The following ACVR1C variants were observed in gnomAD, a reference collection of about 807,000 sequenced individuals.
ACVR1C encodes activin A receptor type 1C.
Under a neutral mutation model 57.9 loss-of-function variants are expected in ACVR1C, and 23 were observed. That is an observed-to-expected ratio of 0.40 (90% CI 0.29 to 0.56). The LOEUF (loss-of-function observed/expected upper bound fraction) is 0.56, where lower values mean the gene tolerates loss of function less well. Among genes scored for constraint, ACVR1C ranks in the 20% least tolerant of loss-of-function variants. The probability of loss-of-function intolerance (pLI) is 0.50; values close to 1 mark genes in which losing one functional copy is unlikely to be tolerated. For synonymous variants in ACVR1C, 214 were observed against 215.3 expected (o/e 0.99, Z 0.05); for missense variants, 480 against 607.9 (o/e 0.79, Z 2.21).
chr2:157,542,852 A>C lies in ACVR1C; in HGVS notation c.954T>G (p.Ala318=). 6.2e-7 allele frequency: 1 copy of C among 1,613,998 alleles called. No homozygotes were observed. The highest frequency in any genetic ancestry group is 8.5e-7 in the Non-Finnish European group (1 of 1,179,936). ...TTGATTTTATGTCTCGATGAGCAAT[A>C]GCAGGTTTACCTATGAAGCAAAGAA... is the stretch of plus-strand genomic sequence containing the variant. ...MEIVGTQGKP[A]IAHRDIKSKN... The change falls in exon 6 of 9, where the codon GCT becomes GCG. Residue 318 remains alanine (A), a synonymous_variant. Transcript: ENST00000243349.
chr2:157,624,764 C>G (rs982351034), intron 1 of ACVR1C, among the ~76,000 whole-genome samples: 1 of 152,130 alleles, frequency 6.6e-6, no homozygotes, highest in African/African-American at 2.4e-5. Flanking sequence ...CTTCACTTCT[C>G]TTTTTAATAA....
rs1558975094 is a variant in ACVR1C at position 157,554,263 on chromosome 2, GAAAGA to G, written c.544+1825_544+1829del. ...AGAAAGAAAGAAAGAAAGAAAGAAAGAAAGAAAGGAAGGAAGGAAGAGAGAGAGAG... is the reference window on the plus strand; with the variant it reads ...AGAAAGAAAGAAAGAAAGAAAGAAAGAAGGAAGGAAGGAAGAGAGAGAGAG... On this transcript the variant is annotated intron_variant, in intron 3 of 8. Coordinates refer to ENST00000243349, the MANE Select transcript of ACVR1C (RefSeq NM_145259.3). Among the ~76,000 whole-genome samples, 56 of 127,676 alleles carry G rather than the reference GAAAGA, an allele frequency of 4.4e-4. 1 individual carries two copies. Among genetic ancestry groups the G allele is most frequent in the Middle Eastern group, 3.8e-3 (1 of 262 alleles). 83.8% of individuals were successfully genotyped at this position (127,676 alleles called of 152,430 possible).
chr2:157,607,721 T>G (rs1434894977), intron 1 of ACVR1C, among the ~76,000 whole-genome samples: 1 of 151,756 alleles, frequency 6.6e-6, no homozygotes, highest in Non-Finnish European at 1.5e-5. Flanking sequence ...TTTGTAGCTA[T>G]TTTAAATGAG....
intron 3 of ACVR1C, among the ~76,000 whole-genome samples, chr2:157,553,820 G>T (rs892408455): frequency 6.6e-6 from 1 of 152,116 alleles, no homozygotes; most frequent in Non-Finnish European, 1.5e-5. Flanking sequence ...AGAAATCAGG[G>T]CACAGTGGGC....
At chr2:157,590,843 C>T (rs1689042589) in intron 1 of ACVR1C, among the ~76,000 whole-genome samples, 1 of 151,968 alleles carries the variant, frequency 6.6e-6, no homozygotes, top group Non-Finnish European at 1.5e-5. Flanking sequence ...CAGTTCCAAT[C>T]TTACAAATCT....
intron 2 of ACVR1C, among the ~76,000 whole-genome samples, chr2:157,563,037 G>C (rs1474385539): frequency 6.6e-6 from 1 of 152,114 alleles, no homozygotes; most frequent in Non-Finnish European, 1.5e-5. Context: ...AAAGCTGAAA[G>C]CATTCCCTTT....
chr2:157,558,436 ATAT>A (rs2105227366), intron 2 of ACVR1C, among the ~76,000 whole-genome samples: 3 of 152,356 alleles, frequency 2.0e-5, no homozygotes, highest in African/African-American at 7.2e-5. Flanking sequence ...TTGAAAACAA[ATAT>A]TATTTAATTC....
intron 5 of ACVR1C, 79 bp downstream of exon 5, chr2:157,544,366 C>A: frequency 7.6e-7 from 1 of 1,322,580 alleles, no homozygotes; most frequent in East Asian, 2.6e-5. Context: ...TAATTAATTA[C>A]TCCTAATAAA....
rs1168582324 is a variant in ACVR1C, at chr2:157,554,179, GA to G, written c.544+1913del. On this transcript the variant is annotated intron_variant, in intron 3 of 8. Transcript: ENST00000243349. The stretch of plus-strand genomic sequence containing the variant: ...GCCTAGGTAACAGGGTGAGAATCTG[GA>G]AAAAAAAAAAATAAAGAAGAGAGAA... Among the ~76,000 whole-genome samples the G allele has an allele frequency of 2.4e-3, 201 of 82,606 alleles. 1 individual carries two copies. The highest frequency in any genetic ancestry group is 3.5e-3 in the East Asian group (10 of 2,834). The allele number at this position is 82,606 out of a possible 152,430, so 54.2% of individuals were successfully genotyped here.
At position 157,542,797 on chromosome 2, in the gene ACVR1C, A is replaced by C; in HGVS notation, c.1009T>G (p.Cys337Gly). 6.2e-7 allele frequency: 1 copy of C among 1,614,102 alleles called. No individual in the cohort carries two copies. The highest frequency in any genetic ancestry group is 8.5e-7 in the Non-Finnish European group (1 of 1,179,984). ...KNILVKKCET[C>G]AIADLGLAVK... is the part of the protein sequence containing the mutation. ...GCCAACCCTAAGTCCGCTATGGCAC[A>C]AGTTTCACACTTTTTCACTAAGATA... The change falls in exon 6 of 9, where the codon TGT becomes GGT. Residue 337 changes from cysteine (C) to glycine (G), a missense_variant. Cys to Gly is a radical substitution (Grantham distance 159, BLOSUM62 -3). Transcript: ENST00000243349.
intron 1 of ACVR1C, among the ~76,000 whole-genome samples, chr2:157,621,055 A>C (rs1682760219): frequency 6.6e-6 from 1 of 152,162 alleles, no homozygotes; most frequent in East Asian, 1.9e-4. Flanking sequence ...GATTGATCTA[A>C]TTTGGGATGT....
At chr2:157,542,264 C>T (rs1687642589) in intron 6 of ACVR1C, among the ~76,000 whole-genome samples, 1 of 151,668 alleles carries the variant, frequency 6.6e-6, no homozygotes, top group Non-Finnish European at 1.5e-5. Context: ...ATATAGAGTC[C>T]CTACCTATCT....
chr2:157,535,738 A>C (rs1687470434), intron 8 of ACVR1C, among the ~76,000 whole-genome samples: 1 of 152,166 alleles, frequency 6.6e-6, no homozygotes, highest in African/African-American at 2.4e-5. Flanking sequence ...AGCTGAGATC[A>C]TGCCACTGTA....
chr2:157,547,317 C>A (rs1341933672), intron 4 of ACVR1C, among the ~76,000 whole-genome samples: 17 of 94,228 alleles, frequency 1.8e-4, no homozygotes, highest in Middle Eastern at 8.3e-3. Context: ...ATTTATAGTC[C>A]TTTGGGTATA....
At chr2:157,558,011 G>C (rs1688144999) in intron 2 of ACVR1C, among the ~76,000 whole-genome samples, 1 of 152,096 alleles carries the variant, frequency 6.6e-6, no homozygotes, top group Admixed American at 6.5e-5. Flanking sequence ...TCCTACTACT[G>C]TGGTGTTGAT....
At chr2:157,619,128 G>A (rs1276889616) in intron 1 of ACVR1C, among the ~76,000 whole-genome samples, 4 of 151,578 alleles carry the variant, frequency 2.6e-5, no homozygotes, top group African/African-American at 4.8e-5. Flanking sequence ...GAGTATTCAC[G>A]AGGTCAGACA....
At chr2:157,606,684 G>T (rs1429037425) in intron 1 of ACVR1C, among the ~76,000 whole-genome samples, 1 of 150,768 alleles carries the variant, frequency 6.6e-6, no homozygotes, top group Non-Finnish European at 1.5e-5. Flanking sequence ...GTTGAGTTTT[G>T]GTTCATTTAA....
chr2:157,547,992 TG>T (rs1275467376), intron 4 of ACVR1C, among the ~76,000 whole-genome samples: 1 of 152,174 alleles, frequency 6.6e-6, no homozygotes, highest in Non-Finnish European at 1.5e-5. Flanking sequence ...AATTGATTTT[TG>T]TATAAGGTGT....
intron 1 of ACVR1C, among the ~76,000 whole-genome samples, chr2:157,617,431 C>T (rs901275049): frequency 1.3e-5 from 2 of 151,936 alleles, no homozygotes; most frequent in African/African-American, 4.8e-5. Context: ...ACAATACACC[C>T]AACAGCCAAA....
Sources: gnomAD v4.1 joint callset for allele counts (sites outside exome capture counted in the v4.1 genomes callset) on GRCh38, gnomAD v4.1.1 for gene constraint, MANE v1.5 for transcripts, NCBI Gene and HGNC (gene_info 2026-07-23, HGNC 2026-07-21) for gene names.